The following PTPRT variants were observed in gnomAD, a reference collection of about 807,000 sequenced individuals.
The protein encoded by PTPRT is protein tyrosine phosphatase receptor type T.
PTPRT carries 56 observed loss-of-function variants against 176.8 expected under a neutral mutation model. The ratio of observed to expected loss-of-function variants is 0.32; its 90% confidence interval spans 0.26 to 0.40. The LOEUF (loss-of-function observed/expected upper bound fraction) is 0.40, where lower values mean the gene tolerates loss of function less well. Ranked by LOEUF, PTPRT falls within the 10% of genes least tolerant of loss-of-function variation. The pLI is 1.00. For missense variants in PTPRT, 1,540 were observed against 1,908.2 expected, an observed-to-expected ratio of 0.81 and a Z score of 3.60; for synonymous variants, 783 against 739.0, an observed-to-expected ratio of 1.06 and a Z score of -0.96.
At chr20:42,477,885 A>T (rs1273987124) in intron 7 of PTPRT, among the ~76,000 whole-genome samples, 1 of 152,142 alleles carries the variant, frequency 6.6e-6, no homozygotes, top group African/African-American at 2.4e-5. Flanking sequence ...TATGCCCTGT[A>T]CTTTAGAGAG....
chr20:42,662,752 C>T (rs1049604193), intron 7 of PTPRT, among the ~76,000 whole-genome samples: 1 of 152,070 alleles, frequency 6.6e-6, no homozygotes, highest in Non-Finnish European at 1.5e-5. Context: ...GAACACTGAG[C>T]TTGAAGCTTG....
rs138451434 is a variant in PTPRT, at chr20:42,486,074, C to T, written c.1154-13512G>A. On this transcript the variant is annotated intron_variant, in intron 7 of 30. Transcript: ENST00000373187. ...ATTATCTGACTGCTTGCCTCACTCA[C>T]TTGCGAAGTACCTGCTGGCCTTGTT... Among the ~76,000 whole-genome samples, 588 of 152,318 alleles carry T rather than the reference C, an allele frequency of 3.9e-3. 4 individuals carry two copies. The highest frequency in any genetic ancestry group is 0.014 in the Middle Eastern group (4 of 294).
At chr20:43,128,401 C>T (rs939275563) in intron 1 of PTPRT, among the ~76,000 whole-genome samples, 10 of 152,216 alleles carry the variant, frequency 6.6e-5, no homozygotes, top group African/African-American at 1.9e-4. Flanking sequence ...TATTACAAAA[C>T]GCAGAACTCT....
intron 15 of PTPRT, among the ~76,000 whole-genome samples, chr20:42,218,016 G>A (rs1268297521): frequency 6.6e-6 from 1 of 152,240 alleles, no homozygotes; most frequent in Non-Finnish European, 1.5e-5. Context: ...GGTGGGATTT[G>A]AGCCTAGCTC....
chr20:42,418,831 T>A (rs182454772), intron 9 of PTPRT, among the ~76,000 whole-genome samples: 54 of 152,088 alleles, frequency 3.6e-4, no homozygotes, highest in African/African-American at 1.3e-3. Flanking sequence ...TAGGACACCC[T>A]CCCCCGGCGG....
chr20:42,615,053 A>C lies in PTPRT; in HGVS notation c.1153+62813T>G, dbSNP rs957991067. Among the ~76,000 whole-genome samples, 6 of 138,356 alleles carry C rather than the reference A, an allele frequency of 4.3e-5. No homozygotes were observed. In the South Asian group the frequency reaches 7.5e-4, roughly 17 times the overall value. The allele number at this position is 138,356 out of a possible 152,430, so 90.8% of individuals were successfully genotyped here. A position where few individuals can be genotyped will look rare whatever the true frequency, so the allele number is the denominator to read the frequency against. On this transcript the variant is annotated intron_variant, in intron 7 of 30. Coordinates refer to ENST00000373187, the MANE Select transcript of PTPRT (RefSeq NM_007050.6). The stretch of plus-strand genomic sequence containing the variant: ...TGCACCCACTAACTCGTCATCTAGC[A>C]TTAGGTATATCTCCCAATGCTATCC...
intron 6 of PTPRT, chr20:42,685,532 A>G (rs2075677238): frequency 6.6e-6 from 1 of 152,136 alleles, no homozygotes; most frequent in Non-Finnish European, 1.5e-5. Flanking sequence ...AATGCTTAAA[A>G]ACAAGCAATT....
At chr20:43,087,363 CTTTTTT>C (rs1207811758) in intron 1 of PTPRT, among the ~76,000 whole-genome samples, 1,509 of 50,314 alleles carry the variant, frequency 0.03, 35 homozygotes, top group African/African-American at 0.065. Flanking sequence ...ACTGTCCGTC[CTTTTTT>C]TTTTTTTTTT....
chr20:42,332,165 T>C (rs2057974345), intron 11 of PTPRT, among the ~76,000 whole-genome samples: 1 of 152,136 alleles, frequency 6.6e-6, no homozygotes, highest in South Asian at 2.1e-4. Context: ...ACACAAATTA[T>C]GTCTCCTGCT....
intron 7 of PTPRT, among the ~76,000 whole-genome samples, chr20:42,498,966 A>G (rs1293558603): frequency 6.6e-6 from 1 of 152,066 alleles, no homozygotes; most frequent in South Asian, 2.1e-4. Context: ...CTGTAACCCA[A>G]CCGCCTTTGG....
At chr20:42,139,892 G>A (rs1988544614) in intron 18 of PTPRT, among the ~76,000 whole-genome samples, 1 of 152,246 alleles carries the variant, frequency 6.6e-6, no homozygotes, top group Non-Finnish European at 1.5e-5. Context: ...CTTTGAGGAG[G>A]CCCACATGTC....
chr20:42,253,791 T>C (rs1325681805), intron 13 of PTPRT, among the ~76,000 whole-genome samples: 1 of 152,182 alleles, frequency 6.6e-6, no homozygotes, highest in African/African-American at 2.4e-5. Flanking sequence ...CTCACAAGCC[T>C]GACCTGACGG....
chr20:42,710,475 C>A (rs2076128218), intron 6 of PTPRT, among the ~76,000 whole-genome samples: 1 of 152,244 alleles, frequency 6.6e-6, no homozygotes, highest in Non-Finnish European at 1.5e-5. Flanking sequence ...AGGTTGCCAG[C>A]CCAGAGGGCA....
Position 42,434,177 on chromosome 20 carries a change from C to T in PTPRT, c.1560+14043G>A, listed in dbSNP as rs143578612. Among the ~76,000 whole-genome samples the T allele has an allele frequency of 3.0e-3, 454 of 152,256 alleles. 6 individuals carry two copies. The highest frequency in any genetic ancestry group is 0.01 in the African/African-American group (421 of 41,564). ...ATGGCTAGTGTGTTATTTCCACTCC[C>T]TATTTTTCTAACACTATATACTATT... On this transcript the variant is annotated intron_variant, in intron 9 of 30. Transcript: ENST00000373187.
intron 9 of PTPRT, among the ~76,000 whole-genome samples, chr20:42,411,784 CG>C (rs2059021213): frequency 6.6e-6 from 1 of 151,692 alleles, no homozygotes; most frequent in Non-Finnish European, 1.5e-5. Context: ...AATTAGGTAA[CG>C]CATTTCACCA....
chr20:42,689,624 A>G (rs1480030300), intron 6 of PTPRT, among the ~76,000 whole-genome samples: 1 of 152,172 alleles, frequency 6.6e-6, no homozygotes, highest in Non-Finnish European at 1.5e-5. Flanking sequence ...CAAAACTTAC[A>G]TAGACTCCAA....
chr20:42,189,049 C>T (rs1780762593), intron 16 of PTPRT, among the ~76,000 whole-genome samples: 1 of 152,222 alleles, frequency 6.6e-6, no homozygotes, highest in Non-Finnish European at 1.5e-5. Context: ...GCAGGTTACC[C>T]TTCCTGGAAA....
intron 2 of PTPRT, among the ~76,000 whole-genome samples, chr20:42,838,259 C>T (rs2078216434): frequency 6.6e-6 from 1 of 152,196 alleles, no homozygotes; most frequent in Non-Finnish European, 1.5e-5. Flanking sequence ...CTCATGTGAT[C>T]CATCCGCCTC....
chr20:42,304,196 C>T (rs1219306214), intron 12 of PTPRT, among the ~76,000 whole-genome samples: 1 of 152,144 alleles, frequency 6.6e-6, no homozygotes, highest in Non-Finnish European at 1.5e-5. Context: ...AGTGTGTCAG[C>T]TGCCGTCTCT....
Sources: gnomAD v4.1 joint callset for allele counts (sites outside exome capture counted in the v4.1 genomes callset) on GRCh38, gnomAD v4.1.1 for gene constraint, MANE v1.5 for transcripts, NCBI Gene and HGNC (gene_info 2026-07-23, HGNC 2026-07-21) for gene names.